Variants in SEMA6D observed in about 807,000 individuals in gnomAD.
SEMA6D encodes the protein semaphorin 6D, also known as semaphorin-6D.
SEMA6D carries 35 observed loss-of-function variants against 106.6 expected under a neutral mutation model. The observed-to-expected ratio is 0.33, with a 90% CI of 0.25 to 0.44. The LOEUF (loss-of-function observed/expected upper bound fraction) is 0.44, where lower values mean the gene tolerates loss of function less well. Ranked by LOEUF, SEMA6D falls within the 20% of genes least tolerant of loss-of-function variation. The probability of loss-of-function intolerance (pLI) is 1.00; values close to 1 mark genes in which losing one functional copy is unlikely to be tolerated. For synonymous variants in SEMA6D, 499 were observed against 487.7 expected, an observed-to-expected ratio of 1.02 and a Z score of -0.31; for missense variants, 1,185 against 1,345.9, an observed-to-expected ratio of 0.88 and a Z score of 1.87.
intron 1 of SEMA6D, among the ~76,000 whole-genome samples, chr15:47,308,647 T>G (rs2036322190): frequency 6.6e-6 from 1 of 152,168 alleles, no homozygotes; most frequent in Non-Finnish European, 1.5e-5. Flanking sequence ...AGGTTGACAA[T>G]GCCGTGAAGA....
intron 1 of SEMA6D, among the ~76,000 whole-genome samples, chr15:47,209,428 AT>A (rs1458612686): frequency 6.6e-6 from 1 of 152,178 alleles, no homozygotes; most frequent in African/African-American, 2.4e-5. Context: ...AGTTTTGACC[AT>A]TTTTGACTTT....
In SEMA6D at chr15:47,771,163, G is replaced by C. The variant is rs905213903; in HGVS notation, c.2600G>C (p.Arg867Thr). 1.2e-6 allele frequency: 2 copies of C among 1,613,930 alleles called. No individual in the cohort carries two copies. The highest frequency in any genetic ancestry group is 2.7e-5 in the African/African-American group (2 of 74,910). The change falls in exon 19 of 19, where the codon AGA (arginine) becomes ACA (threonine). Residue 867 changes from arginine (R) to threonine (T), a missense_variant. This residue lies in a region of SEMA6D where 750 missense variants were observed against 783.5 expected (regional missense o/e 0.96). Coordinates refer to ENST00000536845, the MANE Select transcript of SEMA6D (RefSeq NM_001358351.3). The part of the protein sequence containing the change: ...DHPLTKSSSK[R>T]DHRRSVDSRN... ...CCTCTCACAAAGTCATCCAGTAAGA[G>C]AGATCACCGGCGTTCTGTTGATTCC...
At chr15:47,747,422 A>G (rs1238281226) in intron 1 of SEMA6D, among the ~76,000 whole-genome samples, 1 of 152,212 alleles carries the variant, frequency 6.6e-6, no homozygotes, top group Non-Finnish European at 1.5e-5. Flanking sequence ...ATTAATATGT[A>G]ACCAAAGTAT....
chr15:47,627,268 C>T (rs867019457), intron 4 of SEMA6D, among the ~76,000 whole-genome samples: 2 of 152,136 alleles, frequency 1.3e-5, no homozygotes, highest in South Asian at 2.1e-4. Context: ...TCCCAGACCT[C>T]CATCTCAAAT....
chr15:47,348,338 T>C (rs2038129326), intron 1 of SEMA6D, among the ~76,000 whole-genome samples: 1 of 152,188 alleles, frequency 6.6e-6, no homozygotes, highest in Admixed American at 6.5e-5. Flanking sequence ...GAGACATTAG[T>C]ACTTCATCAT....
chr15:47,687,127 T>TGGAAAAC (rs1422498230), intron 4 of SEMA6D, among the ~76,000 whole-genome samples: 1 of 148,964 alleles, frequency 6.7e-6, no homozygotes, highest in African/African-American at 2.5e-5. Flanking sequence ...AAAAAGAACA[T>TGGAAAAC]GGAAAACTTC....
intron 1 of SEMA6D, among the ~76,000 whole-genome samples, chr15:47,200,549 T>C (rs578010153): frequency 6.6e-6 from 1 of 152,324 alleles, no homozygotes; most frequent in African/African-American, 2.4e-5. Context: ...TGTTAATTAT[T>C]ACTGTTTTAT....
chr15:47,448,060 C>A (rs899476109), intron 2 of SEMA6D, among the ~76,000 whole-genome samples: 32 of 152,108 alleles, frequency 2.1e-4, no homozygotes, highest in Non-Finnish European at 4.6e-4. Context: ...CCAATTACAA[C>A]ATACTTTGGA....
intron 4 of SEMA6D, among the ~76,000 whole-genome samples, chr15:47,623,918 A>G (rs1489939557): frequency 6.6e-6 from 1 of 152,156 alleles, no homozygotes; most frequent in Non-Finnish European, 1.5e-5. Flanking sequence ...ACGAACTGAG[A>G]ATGTCAGAAT....
At chr15:47,416,265 C>T (rs1006891871) in intron 2 of SEMA6D, among the ~76,000 whole-genome samples, 2 of 152,102 alleles carry the variant, frequency 1.3e-5, no homozygotes, top group African/African-American at 4.8e-5. Context: ...ACCCTCATTT[C>T]TACCAATTTG....
At position 47,772,346 on chromosome 15, in the gene SEMA6D, T is replaced by TTTGTGTGCGTGTG. The variant is rs2082662097; in HGVS notation, c.*562_*563insTGTGTGCGTGTGT. ...CTTTTTCATGCCACCAACAAACTTG[T>TTTGTGTGCGTGTG]TGTGTGTGTGCGTGTGTGTGTGTGT... On this transcript the variant is annotated 3_prime_UTR_variant, in exon 19 of 19. Transcript: ENST00000536845. The TTTGTGTGCGTGTG allele has an allele frequency of 1.2e-5, 1 of 83,782 alleles. No homozygotes were observed. Among genetic ancestry groups the TTTGTGTGCGTGTG allele is most frequent in the African/African-American group, 5.7e-5 (1 of 17,694 alleles). The allele number at this position is 83,782 out of a possible 1,614,324, so 5.2% of individuals were successfully genotyped here. A position where few individuals can be genotyped will look rare whatever the true frequency, so the allele number is the denominator to read the frequency against.
At chr15:47,496,951 G>T (rs1039698551) in intron 3 of SEMA6D, among the ~76,000 whole-genome samples, 1 of 151,986 alleles carries the variant, frequency 6.6e-6, no homozygotes, top group Non-Finnish European at 1.5e-5. Flanking sequence ...TTGCACTGCA[G>T]TCCTTCAATG....
At chr15:47,666,057 A>G (rs1199791931) in intron 4 of SEMA6D, among the ~76,000 whole-genome samples, 1 of 152,240 alleles carries the variant, frequency 6.6e-6, no homozygotes, top group Non-Finnish European at 1.5e-5. Flanking sequence ...CTTGCCAATA[A>G]TAATGGATAT....
At chr15:47,499,328 T>C (rs2043772151) in intron 3 of SEMA6D, among the ~76,000 whole-genome samples, 1 of 152,024 alleles carries the variant, frequency 6.6e-6, no homozygotes, top group African/African-American at 2.4e-5. Flanking sequence ...TTAACCAACC[T>C]CCCCTTTGCC....
At chr15:47,264,007 A>G (rs1054205295) in intron 1 of SEMA6D, among the ~76,000 whole-genome samples, 3 of 151,756 alleles carry the variant, frequency 2.0e-5, no homozygotes, top group Admixed American at 6.6e-5. Flanking sequence ...ATAGAATACT[A>G]TGTGGCCATA....
chr15:47,734,285 C>G (rs1423551790), intron 1 of SEMA6D, among the ~76,000 whole-genome samples: 1 of 152,144 alleles, frequency 6.6e-6, no homozygotes, highest in African/African-American at 2.4e-5. Flanking sequence ...TCAGTGTTCA[C>G]AGAGCTTTTC....
intron 1 of SEMA6D, among the ~76,000 whole-genome samples, chr15:47,273,890 TGG>T (rs2034678728): frequency 6.6e-6 from 1 of 152,130 alleles, no homozygotes; most frequent in African/African-American, 2.4e-5. Context: ...ATAGGCATAG[TGG>T]GGAGTAAGAG....
intron 2 of SEMA6D, among the ~76,000 whole-genome samples, chr15:47,461,434 G>T (rs1055390836): frequency 7.2e-5 from 11 of 151,850 alleles, no homozygotes; most frequent in Non-Finnish European, 1.0e-4. Flanking sequence ...ACATCACCTA[G>T]CATAAAGGAG....
At chr15:47,253,941 G>A (rs1188852452) in intron 1 of SEMA6D, among the ~76,000 whole-genome samples, 1 of 152,192 alleles carries the variant, frequency 6.6e-6, no homozygotes, top group East Asian at 1.9e-4. Flanking sequence ...ATCACTTTGG[G>A]TAGTATGGAC....
Sources: gnomAD v4.1 joint callset for allele counts (sites outside exome capture counted in the v4.1 genomes callset) on GRCh38, gnomAD v4.1.1 for gene constraint, gnomAD v4.1.1 regional missense constraint, MANE v1.5 for transcripts, NCBI Gene and HGNC (gene_info 2026-07-23, HGNC 2026-07-21) for gene names.